DUSP16: variants seen among roughly 807,000 people sequenced by gnomAD.
DUSP16 encodes the protein dual specificity protein phosphatase 16.
DUSP16 carries 21 observed loss-of-function variants against 58.3 expected under a neutral mutation model. That is an observed-to-expected ratio of 0.36 (90% confidence interval 0.26 to 0.52). DUSP16 has a LOEUF of 0.52. Among genes scored for constraint, DUSP16 ranks in the 20% least tolerant of loss-of-function variants. The probability of loss-of-function intolerance (pLI) is 0.94; values close to 1 mark genes in which losing one functional copy is unlikely to be tolerated. For synonymous variants in DUSP16, 320 were observed against 323.8 expected (o/e 0.99, Z 0.12); for missense variants, 726 against 819.0 (o/e 0.89, Z 1.39).
At chr12:12,540,153 A>T (rs976086024) in intron 1 of DUSP16, among the ~76,000 whole-genome samples, 1 of 151,848 alleles carries the variant, frequency 6.6e-6, no homozygotes, top group African/African-American at 2.4e-5. Context: ...AACTAAAAAA[A>T]AACATCAGCC....
chr12:12,481,695 C>G (rs2136190679), intron 5 of DUSP16, among the ~76,000 whole-genome samples: 1 of 152,140 alleles, frequency 6.6e-6, no homozygotes, highest in South Asian at 2.1e-4. Flanking sequence ...ATCAGGAAAC[C>G]AAACACAATA....
At chr12:12,480,195 A>G in intron 6 of DUSP16, 28 bp downstream of exon 6, 2 of 1,609,034 alleles carry the variant, frequency 1.2e-6, no homozygotes, top group Non-Finnish European at 1.7e-6. Flanking sequence ...TGAAAAGCCA[A>G]TCACAGAAGA....
chr12:12,484,415 A>G (rs10845556), intron 5 of DUSP16, among the ~76,000 whole-genome samples: 52,380 of 151,990 alleles, frequency 0.34, 9,853 homozygotes, highest in Non-Finnish European at 0.42. Flanking sequence ...CATGAAAGGA[A>G]AAAATAAGTT....
chr12:12,516,844 A>G (rs759568748), intron 3 of DUSP16, among the ~76,000 whole-genome samples: 13 of 152,192 alleles, frequency 8.5e-5, no homozygotes, highest in Non-Finnish European at 1.6e-4. Flanking sequence ...TTTACTGAAA[A>G]CTTAAGAAGG....
chr12:12,526,412 T>C (rs1049201887), intron 1 of DUSP16, among the ~76,000 whole-genome samples: 4 of 152,232 alleles, frequency 2.6e-5, no homozygotes, highest in African/African-American at 7.2e-5. Context: ...ATTCACTCTA[T>C]ATCCAACTCT....
chr12:12,516,498 G>C (rs1386519748), intron 3 of DUSP16, among the ~76,000 whole-genome samples: 1 of 152,200 alleles, frequency 6.6e-6, no homozygotes, highest in Non-Finnish European at 1.5e-5. Flanking sequence ...AGTGGAGCTA[G>C]ATTTCTAGGG....
intron 4 of DUSP16, among the ~76,000 whole-genome samples, chr12:12,488,564 G>A (rs1450400227): frequency 2.6e-5 from 4 of 152,172 alleles, no homozygotes; most frequent in Middle Eastern, 3.2e-3. Context: ...TCCCCCTGCT[G>A]CCTCTCAGGA....
chr12:12,544,698 C>T (rs543716037), intron 1 of DUSP16, among the ~76,000 whole-genome samples: 181 of 152,264 alleles, frequency 1.2e-3, no homozygotes, highest in South Asian at 4.8e-3. Context: ...TGGTTTCATT[C>T]AGCATTTTTT....
chr12:12,550,001 C>T (rs915059871), intron 1 of DUSP16, among the ~76,000 whole-genome samples: 2 of 152,044 alleles, frequency 1.3e-5, no homozygotes, highest in African/African-American at 2.4e-5. Flanking sequence ...GATTTAGATG[C>T]GTGTATCAGA....
intron 3 of DUSP16, among the ~76,000 whole-genome samples, chr12:12,511,371 T>C (rs1380069504): frequency 6.6e-6 from 1 of 152,188 alleles, no homozygotes; most frequent in Admixed American, 6.5e-5. Flanking sequence ...AAATTCTTCC[T>C]TCTGATTTAA....
chr12:12,526,600 ATTT>A (rs1013948347), intron 1 of DUSP16, among the ~76,000 whole-genome samples: 3 of 152,158 alleles, frequency 2.0e-5, no homozygotes, highest in South Asian at 2.1e-4. Context: ...TTTTGTTTCG[ATTT>A]TTATTACTTG....
At chr12:12,562,001 C>T (rs1944911078) in intron 1 of DUSP16, 116 bp downstream of exon 1, 1 of 150,052 alleles carries the variant, frequency 6.7e-6, no homozygotes, top group Non-Finnish European at 1.5e-5. Flanking sequence ...GAGCGCGGCG[C>T]CCGGCACCGG....
chr12:12,560,790 T>C (rs1033476113), intron 1 of DUSP16: 2 of 152,226 alleles, frequency 1.3e-5, no homozygotes, highest in African/African-American at 4.8e-5. Context: ...GCCCTTTTCT[T>C]GATGGAGGTG....
intron 1 of DUSP16, among the ~76,000 whole-genome samples, chr12:12,560,496 C>G (rs1215133539): frequency 6.6e-6 from 1 of 152,112 alleles, no homozygotes; most frequent in Non-Finnish European, 1.5e-5. Flanking sequence ...AATTTTAATG[C>G]AACTTTCCAC....
chr12:12,495,090 G>A (rs1943810476), intron 4 of DUSP16, among the ~76,000 whole-genome samples: 2 of 152,094 alleles, frequency 1.3e-5, no homozygotes. Context: ...CTAATGATGT[G>A]TATTTTGTAA....
Position 12,520,059 on chromosome 12 carries a change from T to G in DUSP16, c.229-59A>C. 4 of 1,572,014 alleles carry G rather than the reference T, an allele frequency of 2.5e-6. No homozygotes were observed. In the Middle Eastern group the frequency reaches 6.7e-4, roughly 264 times the overall value. Reference sequence around the variant, plus strand: ...GGTGAGAAAAGTAATCTCAAACTACTGCTTAAGATCTCACATTTACCAGTG... The same window carrying G: ...GGTGAGAAAAGTAATCTCAAACTACGGCTTAAGATCTCACATTTACCAGTG... On this transcript the variant is annotated intron_variant, in intron 2 of 6. Transcript: ENST00000298573.
chr12:12,504,230 A>T (rs1943951553), intron 3 of DUSP16, among the ~76,000 whole-genome samples: 3 of 152,180 alleles, frequency 2.0e-5, no homozygotes, highest in Admixed American at 2.0e-4. Flanking sequence ...ATGATGTTAA[A>T]TTTTAATGTG....
Position 12,487,982 on chromosome 12 carries a change from C to G in DUSP16, c.532-795G>C, listed in dbSNP as rs569628239. Reference sequence around the variant, plus strand: ...CTCCTCTCTATACCCATTCACTGCTCAGTAGCCAAGATAACCAAAAAAGCC... The same window carrying G: ...CTCCTCTCTATACCCATTCACTGCTGAGTAGCCAAGATAACCAAAAAAGCC... On this transcript the variant is annotated intron_variant, in intron 4 of 6. Coordinates refer to ENST00000298573, the MANE Select transcript of DUSP16 (RefSeq NM_030640.3). 4.6e-5 allele frequency among the ~76,000 whole-genome samples: 7 copies of G among 152,274 alleles called. No homozygotes were observed. In the East Asian group the frequency reaches 1.2e-3, roughly 25 times the overall value.
rs754742432 is a variant in DUSP16, at chr12:12,475,738, T to TG, written c.*1094_*1095insC. On this transcript the variant is annotated 3_prime_UTR_variant, in exon 7 of 7. Coordinates refer to ENST00000298573, the MANE Select transcript of DUSP16 (RefSeq NM_030640.3). ...TACCTTTCTTAATCTTCCCATAATT[T>TG]ACCTCCCTAGGAAGTTTCCTATAAA... 2.0e-5 allele frequency: 3 copies of TG among 152,202 alleles called. No individual in the cohort carries two copies. The highest frequency in any genetic ancestry group is 2.9e-5 in the Non-Finnish European group (2 of 68,016). 9.4% of individuals were successfully genotyped at this position (152,202 alleles called of 1,614,324 possible).
Sources: allele counts gnomAD v4.1 joint callset (sites outside exome capture counted in the v4.1 genomes callset), GRCh38; gene constraint gnomAD v4.1.1; transcripts MANE v1.5; gene names NCBI Gene and HGNC (gene_info 2026-07-23, HGNC 2026-07-21).